The following ZC3H3 variants were observed in gnomAD, a reference collection of about 807,000 sequenced individuals.
ZC3H3 encodes the protein zinc finger CCCH-type containing 3.
Under a neutral mutation model 77.3 loss-of-function variants are expected in ZC3H3, and 36 were observed. The observed-to-expected ratio is 0.47, with a 90% CI of 0.36 to 0.61. The LOEUF is 0.61. Ranked by LOEUF, ZC3H3 falls within the 20% of genes least tolerant of loss-of-function variation. The pLI, the probability that ZC3H3 is intolerant of heterozygous loss-of-function variation, is 0.00. For missense variants in ZC3H3, 1,331 were observed against 1,312.2 expected, an observed-to-expected ratio of 1.01 and a Z score of -0.22; for synonymous variants, 626 against 555.2, an observed-to-expected ratio of 1.13 and a Z score of -1.79.
rs949852201 is a variant in ZC3H3 at position 143,515,817 on chromosome 8, G to A, written c.1562-7918C>T. Among the ~76,000 whole-genome samples, 3 of 152,244 alleles carry A rather than the reference G, an allele frequency of 2.0e-5. No individual in the cohort carries two copies. In the East Asian group the frequency reaches 5.8e-4, roughly 29 times the overall value. On this transcript the variant is annotated intron_variant, in intron 3 of 11. Transcript: ENST00000262577. Reference sequence around the variant, plus strand: ...GGAGCCTTCGCAGGTGCCTTTGGAAGGGATGGAGACTGGACACACCGGCCG... The same window carrying A: ...GGAGCCTTCGCAGGTGCCTTTGGAAAGGATGGAGACTGGACACACCGGCCG...
intron 3 of ZC3H3, among the ~76,000 whole-genome samples, chr8:143,528,097 C>T (rs886192341): frequency 5.3e-5 from 8 of 152,222 alleles, no homozygotes; most frequent in African/African-American, 1.9e-4. Context: ...GGAGAGTCTC[C>T]GGCCCCTCTG....
At chr8:143,455,171 GGGTGT>G (rs754381002) in intron 9 of ZC3H3, among the ~76,000 whole-genome samples, 1 of 152,024 alleles carries the variant, frequency 6.6e-6, no homozygotes, top group Non-Finnish European at 1.5e-5. Flanking sequence ...AACATTAGCT[GGGTGT>G]GGTGGCGGGG....
At chr8:143,450,628 G>A (rs931595573) in intron 9 of ZC3H3, among the ~76,000 whole-genome samples, 12 of 152,156 alleles carry the variant, frequency 7.9e-5, no homozygotes, top group East Asian at 1.9e-4. Flanking sequence ...CACTTCACGC[G>A]GCTGAGCAGG....
rs114032519 is a variant in ZC3H3, at chr8:143,443,759, G to A, written c.2308-2639C>T. Among the ~76,000 whole-genome samples the A allele has an allele frequency of 6.4e-3, 979 of 152,314 alleles. 6 individuals are homozygous for A. The highest frequency in any genetic ancestry group is 0.022 in the African/African-American group (917 of 41,566). On this transcript the variant is annotated intron_variant, in intron 9 of 11. Transcript: ENST00000262577. ...GTAAACAATGTTGGGAACGCTAAGC[G>A]TGTAACTAAAGATGCTGCAGATGAT...
intron 4 of ZC3H3, among the ~76,000 whole-genome samples, chr8:143,506,104 G>C (rs1015526760): frequency 6.6e-6 from 1 of 152,256 alleles, no homozygotes; most frequent in Non-Finnish European, 1.5e-5. Flanking sequence ...ACTTGTTTCT[G>C]TGCAACAACA....
chr8:143,468,499 C>A lies in ZC3H3; in HGVS notation c.1988G>T (p.Arg663Leu). The A allele has an allele frequency of 6.2e-7, 1 of 1,608,506 alleles. No individual in the cohort carries two copies. ...CTCCTTCCTCTTCTCCCTGCGCTGC[C>A]GCGCCTGCCGGATGATGGCCAGGCT... ...QRSLAIIRQARQRREKRKEYC... is the reference protein window; with the variant it reads ...QRSLAIIRQALQRREKRKEYC... The change falls in exon 7 of 12, where the codon CGG becomes CTG. Residue 663 changes from arginine (R) to leucine (L), a missense_variant. By Grantham distance (102) the Arg-to-Leu change is moderately radical. Transcript: ENST00000262577.
intron 4 of ZC3H3, among the ~76,000 whole-genome samples, chr8:143,482,725 C>G (rs879512556): frequency 3.3e-5 from 5 of 152,214 alleles, no homozygotes; most frequent in African/African-American, 4.8e-5. Context: ...GAAGGGCGAG[C>G]CTGTCCCTGT....
At chr8:143,540,457 C>G (rs1203943569) in intron 1 of ZC3H3, among the ~76,000 whole-genome samples, 1 of 152,166 alleles carries the variant, frequency 6.6e-6, no homozygotes. Context: ...CTCAAACTCC[C>G]GGGCTCAAGC....
chr8:143,462,370 G>A lies in ZC3H3; in HGVS notation c.2307+3347C>T, dbSNP rs774114247. Among the ~76,000 whole-genome samples the A allele has an allele frequency of 6.6e-6, 1 of 152,176 alleles. No individual in the cohort carries two copies. Among genetic ancestry groups the A allele is most frequent in the East Asian group, 1.9e-4 (1 of 5,200 alleles). On this transcript the variant is annotated intron_variant, in intron 9 of 11. Coordinates refer to ENST00000262577, the MANE Select transcript of ZC3H3 (RefSeq NM_015117.3). The surrounding 1 kb of genome is among the most constrained non-coding windows in gnomAD (Gnocchi z 4.7). ...GGAGACTGGTCCTAAACAAGACCCC[G>A]AGCACAAATCACAGGGCAAAGGATG... is the stretch of plus-strand genomic sequence containing the variant.
At chr8:143,477,837 C>T (rs75603703) in intron 4 of ZC3H3, among the ~76,000 whole-genome samples, 1 of 152,108 alleles carries the variant, frequency 6.6e-6, no homozygotes, top group Non-Finnish European at 1.5e-5. Context: ...GGGTGCACCC[C>T]CCCACCGCAG....
intron 4 of ZC3H3, among the ~76,000 whole-genome samples, chr8:143,492,412 A>C (rs1394449328): frequency 2.6e-5 from 4 of 152,056 alleles, no homozygotes; most frequent in African/African-American, 7.2e-5. Context: ...CACCATCTGG[A>C]CCCTCAGTCC....
chr8:143,489,551 G>A (rs1821142519), intron 4 of ZC3H3, among the ~76,000 whole-genome samples: 1 of 152,138 alleles, frequency 6.6e-6, no homozygotes, highest in South Asian at 2.1e-4. Context: ...GCAGGCAAGG[G>A]GGCGCCTTGC....
intron 3 of ZC3H3, among the ~76,000 whole-genome samples, chr8:143,509,855 G>A (rs149340213): frequency 1.1e-4 from 17 of 152,114 alleles, no homozygotes; most frequent in Non-Finnish European, 2.4e-4. Flanking sequence ...CTCCATTCCC[G>A]TCGCCAAATG....
intron 4 of ZC3H3, among the ~76,000 whole-genome samples, chr8:143,496,035 C>G (rs429431): frequency 0.028 from 4,252 of 152,276 alleles, 181 homozygotes; most frequent in African/African-American, 0.096. Context: ...TCTGTTAATA[C>G]TACTGGAACT....
rs755408961 is a variant in ZC3H3 at position 143,507,863 on chromosome 8, C to T, written c.1598G>A (p.Ser533Asn). The T allele has an allele frequency of 1.9e-6, 3 of 1,609,388 alleles. No individual in the cohort carries two copies. Among genetic ancestry groups the T allele is most frequent in the Non-Finnish European group, 2.5e-6 (3 of 1,177,786 alleles). The change falls in exon 4 of 12, where the codon AGC becomes AAC. Residue 533 changes from serine (S) to asparagine (N), a missense_variant. Transcript: ENST00000262577. ...SLHAVRTAPTSKVIKTRYRIV... is the reference protein window; with the variant it reads ...SLHAVRTAPTNKVIKTRYRIV... ...GCGGTAGCGGGTCTTGATCACCTTGCTGGTGGGTGCAGTCCGCACGGCATG... is the reference window on the plus strand; with the variant it reads ...GCGGTAGCGGGTCTTGATCACCTTGTTGGTGGGTGCAGTCCGCACGGCATG...
At chr8:143,466,800 G>A (rs1406903563) in intron 8 of ZC3H3, among the ~76,000 whole-genome samples, 2 of 152,132 alleles carry the variant, frequency 1.3e-5, no homozygotes, top group African/African-American at 4.8e-5. Flanking sequence ...CTCCCTCCTG[G>A]GTCAGACCAC....
chr8:143,451,692 G>C (rs1819990929), intron 9 of ZC3H3, among the ~76,000 whole-genome samples: 1 of 151,714 alleles, frequency 6.6e-6, no homozygotes, highest in Non-Finnish European at 1.5e-5. Flanking sequence ...GCTGAGGTGG[G>C]AGAATTGCTT....
In ZC3H3 at chr8:143,528,223, C is replaced by G. The variant is rs527873595; in HGVS notation, c.1561+8034G>C. ...CCTCGGGGGCCGCCACTCATCTCTG[C>G]GCAGGGCAGGGGAGCCATATTGTTT... On this transcript the variant is annotated intron_variant, in intron 3 of 11. Coordinates refer to ENST00000262577, the MANE Select transcript of ZC3H3 (RefSeq NM_015117.3). Among the ~76,000 whole-genome samples the G allele has an allele frequency of 3.2e-4, 48 of 152,348 alleles. 1 individual carries two copies. Among genetic ancestry groups the G allele is most frequent in the Middle Eastern group, 6.8e-3 (2 of 294 alleles).
chr8:143,464,664 T>C (rs1820359856), intron 9 of ZC3H3, among the ~76,000 whole-genome samples: 1 of 152,146 alleles, frequency 6.6e-6, no homozygotes, highest in Admixed American at 6.5e-5. Flanking sequence ...AAAGGGTTCC[T>C]GGGGTGCCTG....
Sources: allele counts gnomAD v4.1 joint callset (sites outside exome capture counted in the v4.1 genomes callset), GRCh38; gene constraint gnomAD v4.1.1; non-coding constraint Gnocchi (gnomAD v3.1); transcripts MANE v1.5; gene names NCBI Gene and HGNC (gene_info 2026-07-23, HGNC 2026-07-21).